Variants in TRIM33 observed in about 807,000 individuals in gnomAD.
TRIM33 encodes tripartite motif containing 33.
A neutral mutation model predicts 125.4 loss-of-function variants in TRIM33; 20 were observed. The ratio of observed to expected loss-of-function variants is 0.16; its 90% CI spans 0.11 to 0.23. The LOEUF (loss-of-function observed/expected upper bound fraction) is 0.23. TRIM33 is among the 10% of genes least tolerant of loss of function. The pLI, the probability that TRIM33 is intolerant of heterozygous loss-of-function variation, is 1.00. For synonymous variants in TRIM33, 564 were observed against 513.9 expected, an observed-to-expected ratio of 1.10 and a Z score of -1.32; for missense variants, 920 against 1,411.4, an observed-to-expected ratio of 0.65 and a Z score of 5.58.
chr1:114,506,403 TAGC>T (rs1229456847), intron 1 of TRIM33, among the ~76,000 whole-genome samples: 4 of 129,824 alleles, frequency 3.1e-5, no homozygotes, highest in African/African-American at 9.1e-5. Context: ...AAAAAAAAAA[TAGC>T]AGAACCCAAT....
chr1:114,495,239 G>C (rs1304907954), intron 1 of TRIM33, among the ~76,000 whole-genome samples: 2 of 152,058 alleles, frequency 1.3e-5, no homozygotes, highest in Non-Finnish European at 2.9e-5. Context: ...TTAAATGCAA[G>C]AAGGCTAGGC....
chr1:114,487,926 A>G (rs1651814916), intron 1 of TRIM33, among the ~76,000 whole-genome samples: 1 of 150,072 alleles, frequency 6.7e-6, no homozygotes, highest in Non-Finnish European at 1.5e-5. Flanking sequence ...AAAAAAAAAA[A>G]AAAATGAGAG....
intron 4 of TRIM33, among the ~76,000 whole-genome samples, chr1:114,445,915 T>TG (rs1252428475): frequency 1.3e-5 from 2 of 152,126 alleles, no homozygotes; most frequent in Non-Finnish European, 2.9e-5. Context: ...TGGAGTGCAG[T>TG]GGGGTGATCT....
chr1:114,483,558 CCCA>C, intron 1 of TRIM33, among the ~76,000 whole-genome samples: 1 of 151,926 alleles, frequency 6.6e-6, no homozygotes, highest in Non-Finnish European at 1.5e-5. Flanking sequence ...ACTACAGGCA[CCCA>C]CCACCACGCT....
At chr1:114,480,025 T>C (rs1440221762) in intron 1 of TRIM33, among the ~76,000 whole-genome samples, 2 of 152,166 alleles carry the variant, frequency 1.3e-5, no homozygotes, top group Non-Finnish European at 2.9e-5. Flanking sequence ...GATGGCGGTT[T>C]TGTGGAATAG....
At chr1:114,433,029 C>T (rs1024078320) in intron 5 of TRIM33, among the ~76,000 whole-genome samples, 8 of 152,130 alleles carry the variant, frequency 5.3e-5, no homozygotes, top group Non-Finnish European at 1.2e-4. Context: ...AGAGTCATAA[C>T]TTTGTTAATC....
At chr1:114,491,847 T>C (rs777539695) in intron 1 of TRIM33, among the ~76,000 whole-genome samples, 7 of 152,174 alleles carry the variant, frequency 4.6e-5, no homozygotes, top group Non-Finnish European at 8.8e-5. Flanking sequence ...TCATTAACAC[T>C]GAATTCAAAG....
At chr1:114,421,334 A>C in intron 11 of TRIM33, 102 bp downstream of exon 11, 1 of 1,117,122 alleles carries the variant, frequency 9.0e-7, no homozygotes, top group Non-Finnish European at 1.3e-6. Context: ...AATTTCAAGG[A>C]AATGTTGATC....
intron 4 of TRIM33, among the ~76,000 whole-genome samples, chr1:114,440,996 A>C (rs956889097): frequency 6.6e-6 from 1 of 152,228 alleles, no homozygotes; most frequent in African/African-American, 2.4e-5. Context: ...TGTGACTCTT[A>C]AAAGACTTTT....
intron 1 of TRIM33, among the ~76,000 whole-genome samples, chr1:114,489,351 C>G (rs968326438): frequency 6.6e-6 from 1 of 152,104 alleles, no homozygotes; most frequent in Admixed American, 6.6e-5. Context: ...TAAAAGAAAA[C>G]ATAAGAATAC....
rs1328532980 is a variant in TRIM33 at position 114,396,163 on chromosome 1, T to G, written c.*1485A>C. ...CCATACAAAAGTAGGACTAAAATCT[T>G]TAATCAAACAAAAGAGAAGCCTGTA... On this transcript the variant is annotated 3_prime_UTR_variant, in exon 20 of 20. Transcript: ENST00000358465. The G allele has an allele frequency of 4.9e-6, 1 of 202,084 alleles. No homozygotes were observed. The highest frequency in any genetic ancestry group is 2.3e-5 in the African/African-American group (1 of 43,580). The allele number at this position is 202,084 out of a possible 1,614,324, so 12.5% of individuals were successfully genotyped here. A position where few individuals can be genotyped will look rare whatever the true frequency, so the allele number is the denominator to read the frequency against.
chr1:114,434,773 A>T (rs535765009), intron 4 of TRIM33, among the ~76,000 whole-genome samples: 2 of 152,372 alleles, frequency 1.3e-5, no homozygotes, highest in South Asian at 4.1e-4. Flanking sequence ...GACAAGAGAT[A>T]TAATTCACGT....
In TRIM33 at chr1:114,407,115, C is replaced by T. The variant is rs1332453372; in HGVS notation, c.2259-15G>A. The T allele has an allele frequency of 1.9e-6, 3 of 1,603,158 alleles. No homozygotes were observed. The highest frequency in any genetic ancestry group is 1.3e-5 in the African/African-American group (1 of 74,270). On this transcript the variant is annotated splice_polypyrimidine_tract_variant and intron_variant, in intron 13 of 19. Transcript: ENST00000358465. ...ATGACCCACAGCTAATAAGAAACAA[C>T]AAATAAAGATCACATACGTTTGACT...
At chr1:114,451,819 T>C (rs1481644939) in intron 4 of TRIM33, among the ~76,000 whole-genome samples, 7 of 152,120 alleles carry the variant, frequency 4.6e-5, no homozygotes, top group African/African-American at 1.4e-4. Flanking sequence ...ACACAAAACA[T>C]AGCTCATCTT....
At chr1:114,481,453 C>T (rs1429200953) in intron 1 of TRIM33, among the ~76,000 whole-genome samples, 3 of 150,278 alleles carry the variant, frequency 2.0e-5, no homozygotes, top group Non-Finnish European at 3.0e-5. Context: ...TAGTTGGGTG[C>T]GGTGGCACAC....
chr1:114,430,051 GAGC>G (rs1647843938), intron 6 of TRIM33, among the ~76,000 whole-genome samples: 1 of 151,684 alleles, frequency 6.6e-6, no homozygotes, highest in Non-Finnish European at 1.5e-5. Flanking sequence ...ATTTCAAAAA[GAGC>G]AGCATTTTCT....
intron 4 of TRIM33, among the ~76,000 whole-genome samples, chr1:114,442,781 T>C (rs977825056): frequency 6.6e-6 from 1 of 151,852 alleles, no homozygotes; most frequent in South Asian, 2.1e-4. Flanking sequence ...AAGGTTCTTT[T>C]AAAGCTATGA....
intron 4 of TRIM33, among the ~76,000 whole-genome samples, chr1:114,447,486 G>A (rs531314674): frequency 1.4e-4 from 22 of 152,246 alleles, no homozygotes; most frequent in African/African-American, 4.8e-4. Context: ...TTTTGGAAGC[G>A]TTATGTTTGA....
At chr1:114,425,359 C>T (rs1647495447) in intron 9 of TRIM33, 90 bp downstream of exon 9, 2 of 1,510,484 alleles carry the variant, frequency 1.3e-6, no homozygotes. Flanking sequence ...TTGCTAGTAA[C>T]TTTGAAATGT....
Sources: allele counts gnomAD v4.1 joint callset (sites outside exome capture counted in the v4.1 genomes callset), GRCh38; gene constraint gnomAD v4.1.1; transcripts MANE v1.5; gene names NCBI Gene and HGNC (gene_info 2026-07-23, HGNC 2026-07-21).